Variants in TM4SF20 observed in about 807,000 individuals in gnomAD.
TM4SF20 encodes the protein transmembrane 4 L six family member 20, also known as transmembrane 4 L6 family member 20.
In TM4SF20, 13 loss-of-function variants were observed where a neutral mutation model predicts 15.1. The ratio of observed to expected loss-of-function variants is 0.86; its 90% CI spans 0.56 to 1.36. The LOEUF (loss-of-function observed/expected upper bound fraction) is 1.36, where lower values mean the gene tolerates loss of function less well. Ranked by LOEUF, TM4SF20 falls within the 40% of genes most tolerant of loss-of-function variation. The pLI, the probability that TM4SF20 is intolerant of heterozygous loss-of-function variation, is 0.00. For missense variants in TM4SF20, 282 were observed against 268.4 expected (o/e 1.05, Z -0.35); for synonymous variants, 92 against 96.6 (o/e 0.95, Z 0.28).
At position 227,370,931 on chromosome 2, in the gene TM4SF20, C is replaced by T. The variant is rs766349514; in HGVS notation, c.233G>A (p.Cys78Tyr). ...CATACTTACTCCAGTTCTGTTGTTGCAGCACGCTCTTTTTCTTGCTGTCAA... is the reference window on the plus strand; with the variant it reads ...CATACTTACTCCAGTTCTGTTGTTGTAGCACGCTCTTTTTCTTGCTGTCAA... ...MSLTARKRACCNNRTGMFLSS... is the reference protein window; with the variant it reads ...MSLTARKRACYNNRTGMFLSS... Residue 78 changes from cysteine (C) to tyrosine (Y), a missense_variant, in exon 2 of 4, where the codon TGC (cysteine) becomes TAC (tyrosine). Physicochemically the swap from Cys to Tyr is radical, Grantham distance 194. Transcript: ENST00000304568. The T allele has an allele frequency of 1.9e-5, 31 of 1,613,850 alleles. No homozygotes were observed. Among genetic ancestry groups the T allele is most frequent in the Non-Finnish European group, 2.3e-5 (27 of 1,179,928 alleles).
At chr2:227,376,073 C>T (rs1038053059) in intron 1 of TM4SF20, among the ~76,000 whole-genome samples, 1 of 152,134 alleles carries the variant, frequency 6.6e-6, no homozygotes, top group African/African-American at 2.4e-5. Flanking sequence ...GAAAAGTCCG[C>T]CTCCGTTTTA....
intron 1 of TM4SF20, 56 bp downstream of exon 1, chr2:227,379,030 A>C: frequency 6.4e-7 from 1 of 1,558,282 alleles, no homozygotes; most frequent in Non-Finnish European, 8.7e-7. Flanking sequence ...AGCTTTTAGG[A>C]TTTTGGTGAA....
At position 227,379,094 on chromosome 2, in the gene TM4SF20, C is replaced by A. The variant is rs780969478; in HGVS notation, c.175G>T (p.Gly59Cys). Residue 59 changes from glycine (G) to cysteine (C), a missense_variant, in exon 1 of 4, where the codon GGT (glycine) becomes TGT (cysteine). Gly to Cys is a radical substitution (Grantham distance 159). Transcript: ENST00000304568. Reference sequence around the variant, plus strand: ...AAATAAATATCACTCACCATCAGACCTGCTCCTATAATTCCTGGGAACCAC... The same window carrying A: ...AAATAAATATCACTCACCATCAGACATGCTCCTATAATTCCTGGGAACCAC... ...EWWFPGIIGA[G>C]LMAIPATTMS... 5.0e-6 allele frequency: 8 copies of A among 1,613,948 alleles called. No individual in the cohort carries two copies. In the African/African-American group the frequency reaches 8.0e-5, roughly 16 times the overall value.
At chr2:227,370,233 G>A (rs1560004970) in intron 2 of TM4SF20, among the ~76,000 whole-genome samples, 2 of 152,180 alleles carry the variant, frequency 1.3e-5, no homozygotes, top group Non-Finnish European at 1.5e-5. Context: ...AGAGAACTGA[G>A]TACATTTTCC....
chr2:227,365,976 C>A, intron 3 of TM4SF20, 117 bp downstream of exon 3: 1 of 1,038,436 alleles, frequency 9.6e-7, no homozygotes. Context: ...CCTAAGAATC[C>A]GTTTGTCCCG....
intron 3 of TM4SF20, among the ~76,000 whole-genome samples, chr2:227,365,333 T>C (rs7594089): frequency 0.084 from 12,819 of 152,282 alleles, 1,294 homozygotes; most frequent in African/African-American, 0.24. Flanking sequence ...AAGTAAATTC[T>C]GGTTATTTGC....
chr2:227,377,061 TGAA>T (rs1190415554), intron 1 of TM4SF20, among the ~76,000 whole-genome samples: 6 of 152,212 alleles, frequency 3.9e-5, no homozygotes, highest in Non-Finnish European at 7.3e-5. Flanking sequence ...CATCCTAAAA[TGAA>T]GAATACAGGA....
At chr2:227,376,510 T>C (rs2076451308) in intron 1 of TM4SF20, among the ~76,000 whole-genome samples, 1 of 152,258 alleles carries the variant, frequency 6.6e-6, no homozygotes, top group Non-Finnish European at 1.5e-5. Context: ...ATTGGACTTT[T>C]CAAAGAGTTG....
upstream of TM4SF20, among the ~76,000 whole-genome samples, chr2:227,380,072 T>A (rs2076472335): frequency 6.6e-6 from 1 of 152,246 alleles, no homozygotes; most frequent in Non-Finnish European, 1.5e-5. Flanking sequence ...CTCACGCCTG[T>A]AATCTCAGTG....
In TM4SF20 at chr2:227,379,124, C is replaced by A; in HGVS notation, c.145G>T (p.Glu49Ter). The A allele has an allele frequency of 6.2e-7, 1 of 1,614,194 alleles. No individual in the cohort carries two copies. Among genetic ancestry groups the A allele is most frequent in the Non-Finnish European group, 8.5e-7 (1 of 1,180,038 alleles). The change falls in exon 1 of 4, where the codon GAG becomes TAG. Residue 49 changes from glutamate (E) to a stop codon, truncating the protein, a stop_gained. Coordinates refer to ENST00000304568, the MANE Select transcript of TM4SF20 (RefSeq NM_024795.4). LOFTEE classifies it high-confidence loss of function. ...QFSQNPISCFEWWFPGIIGAG... is the reference protein window; with the variant it reads ...QFSQNPISCF Reference sequence around the variant, plus strand: ...CCTATAATTCCTGGGAACCACCACTCAAAGCAAGAGATGGGGTTTTGAGAA... The same window carrying A: ...CCTATAATTCCTGGGAACCACCACTAAAAGCAAGAGATGGGGTTTTGAGAA...
chr2:227,379,274 C>A lies in TM4SF20; in HGVS notation c.-6G>T. On this transcript the variant is annotated 5_prime_UTR_variant, in exon 1 of 4. Coordinates refer to ENST00000304568, the MANE Select transcript of TM4SF20 (RefSeq NM_024795.4). ...CATCCTTCGCAGCAGGTCATGGTCACCCCTGGCTCAGAAACGTTGTCAAAG... is the reference window on the plus strand; with the variant it reads ...CATCCTTCGCAGCAGGTCATGGTCAACCCTGGCTCAGAAACGTTGTCAAAG... The A allele has an allele frequency of 6.2e-7, 1 of 1,612,292 alleles. No homozygotes were observed. The highest frequency in any genetic ancestry group is 2.2e-5 in the East Asian group (1 of 44,860).
In TM4SF20 at chr2:227,363,691, A is replaced by G; in HGVS notation, c.*33T>C. The G allele has an allele frequency of 4.5e-6, 7 of 1,565,862 alleles. No individual in the cohort carries two copies. The highest frequency in any genetic ancestry group is 2.3e-5 in the East Asian group (1 of 44,422). Reference sequence around the variant, plus strand: ...CAAGTGTACTTCTCAAATTAATTCAAACTACTGATACTTACATTTTATTCC... The same window carrying G: ...CAAGTGTACTTCTCAAATTAATTCAGACTACTGATACTTACATTTTATTCC... On this transcript the variant is annotated 3_prime_UTR_variant, in exon 4 of 4. Transcript: ENST00000304568.
chr2:227,364,117 T>C, intron 3 of TM4SF20, 105 bp from the exon 4 acceptor site: 2 of 1,172,260 alleles, frequency 1.7e-6, no homozygotes, highest in Non-Finnish European at 2.3e-6. Flanking sequence ...ACTTTTGAAA[T>C]ATCGTGCCCA....
chr2:227,365,400 T>G (rs12614404), intron 3 of TM4SF20, among the ~76,000 whole-genome samples: 16,950 of 152,224 alleles, frequency 0.11, 1,095 homozygotes, highest in Non-Finnish European at 0.15. Flanking sequence ...TTCTTCCAGT[T>G]TTTACAAATT....
chr2:227,370,441 A>G (rs1240529248), intron 2 of TM4SF20, among the ~76,000 whole-genome samples: 1 of 152,002 alleles, frequency 6.6e-6, no homozygotes, highest in Non-Finnish European at 1.5e-5. Flanking sequence ...CACTTTTTCT[A>G]CTTCTATATA....
At position 227,363,811 on chromosome 2, in the gene TM4SF20, C is replaced by T. The variant is rs759646278; in HGVS notation, c.603G>A (p.Leu201=). The T allele has an allele frequency of 3.1e-6, 5 of 1,614,110 alleles. No homozygotes were observed. Among genetic ancestry groups the T allele is most frequent in the Non-Finnish European group, 2.5e-6 (3 of 1,180,002 alleles). ...VFLGLLLVGI[L]EVLFGLSQIV... ...TCTGACTGAGCCCAAACAGGACCTC[C>T]AGAATTCCAACAAGCAATAGACCTA... is the stretch of plus-strand genomic sequence containing the variant. The change falls in exon 4 of 4, where the codon CTG becomes CTA. Residue 201 remains leucine (L), a synonymous_variant. Coordinates refer to ENST00000304568, the MANE Select transcript of TM4SF20 (RefSeq NM_024795.4).
upstream of TM4SF20, among the ~76,000 whole-genome samples, chr2:227,380,112 T>G (rs1377445944): frequency 6.6e-6 from 1 of 152,246 alleles, no homozygotes. Flanking sequence ...GAGGATCACC[T>G]GAGGTCAGGA....
intron 3 of TM4SF20, among the ~76,000 whole-genome samples, chr2:227,365,733 T>G (rs1333333018): frequency 6.6e-6 from 1 of 152,220 alleles, no homozygotes; most frequent in African/African-American, 2.4e-5. Flanking sequence ...ATAAAGGGAA[T>G]CCCCTATTTC....
At chr2:227,374,283 A>G (rs2076435675) in intron 1 of TM4SF20, among the ~76,000 whole-genome samples, 1 of 152,172 alleles carries the variant, frequency 6.6e-6, no homozygotes, top group African/African-American at 2.4e-5. Context: ...TACAGTGTAT[A>G]AGTCACCACC....
Sources: gnomAD v4.1 joint callset for allele counts (sites outside exome capture counted in the v4.1 genomes callset) on GRCh38, gnomAD v4.1.1 for gene constraint, MANE v1.5 for transcripts, NCBI Gene and HGNC (gene_info 2026-07-23, HGNC 2026-07-21) for gene names.